THADA: variants seen among roughly 807,000 people sequenced by gnomAD.
THADA encodes the protein tRNA (32-2'-O)-methyltransferase regulator THADA.
THADA carries 213 observed loss-of-function variants against 219.8 expected under a neutral mutation model. The ratio of observed to expected loss-of-function variants is 0.97; its 90% CI spans 0.87 to 1.09. The LOEUF (loss-of-function observed/expected upper bound fraction) is 1.09. THADA is among the 50% of genes least tolerant of loss of function. The probability of loss-of-function intolerance (pLI) is 0.00; values close to 1 mark genes in which losing one functional copy is unlikely to be tolerated. For synonymous variants in THADA, 1,018 were observed against 828.9 expected (o/e 1.23, Z -3.92); for missense variants, 2,956 against 2,311.3 (o/e 1.28, Z -5.72).
At chr2:43,481,219 T>C (rs1686176252) in intron 26 of THADA, among the ~76,000 whole-genome samples, 1 of 152,122 alleles carries the variant, frequency 6.6e-6, no homozygotes, top group Non-Finnish European at 1.5e-5. Flanking sequence ...CTAAGAAAAA[T>C]AACTAAAATA....
At chr2:43,370,198 C>T (rs191936078) in intron 29 of THADA, 7 of 152,318 alleles carry the variant, frequency 4.6e-5, no homozygotes, top group African/African-American at 1.7e-4. Context: ...GCCTCTTGGC[C>T]TGAAAGAGCA....
At chr2:43,327,174 G>C (rs575870292) in intron 30 of THADA, among the ~76,000 whole-genome samples, 1 of 152,272 alleles carries the variant, frequency 6.6e-6, no homozygotes, top group South Asian at 2.1e-4. Context: ...TGGTGAAAGA[G>C]AAGGAATTCC....
chr2:43,574,505 G>C lies in THADA; in HGVS notation c.1560C>G (p.Asp520Glu). The C allele has an allele frequency of 5.0e-6, 8 of 1,613,936 alleles. No homozygotes were observed. Among genetic ancestry groups the C allele is most frequent in the Non-Finnish European group, 6.8e-6 (8 of 1,179,884 alleles). The change falls in exon 11 of 38, where the codon GAC becomes GAG. Residue 520 changes from aspartate to glutamate, a missense_variant. Transcript: ENST00000405975. ...GAGAAACCCAAGTCTCATGCCACTG[G>C]TCAATCCAAGAACTCTCAGCAGTCT... ...KSQTAESSWI[D>E]QWHETWVSPL...
chr2:43,289,486 G>A (rs116227142), intron 34 of THADA, among the ~76,000 whole-genome samples: 2,539 of 152,200 alleles, frequency 0.017, 35 homozygotes, highest in Non-Finnish European at 0.029. Flanking sequence ...CTCCAGTTCT[G>A]TTAATTTTTT....
chr2:43,583,641 C>A (rs368443425), intron 7 of THADA, among the ~76,000 whole-genome samples: 279 of 152,134 alleles, frequency 1.8e-3, no homozygotes, highest in African/African-American at 6.6e-3. Context: ...TTCACAATAG[C>A]CTAAAGGTAG....
intron 35 of THADA, among the ~76,000 whole-genome samples, chr2:43,286,492 G>A (rs1208194767): frequency 6.6e-6 from 1 of 152,210 alleles, no homozygotes; most frequent in Non-Finnish European, 1.5e-5. Context: ...TGTAATCCCA[G>A]TACTTTGGGA....
intron 36 of THADA, among the ~76,000 whole-genome samples, chr2:43,262,894 T>C (rs1212879946): frequency 2.6e-5 from 4 of 152,196 alleles, no homozygotes; most frequent in Non-Finnish European, 5.9e-5. Context: ...TGTGTACATA[T>C]TGCAGTGTGA....
chr2:43,373,767 T>A (rs1671065324), intron 29 of THADA, among the ~76,000 whole-genome samples: 1 of 152,160 alleles, frequency 6.6e-6, no homozygotes, highest in Non-Finnish European at 1.5e-5. Flanking sequence ...CATGAGCCAA[T>A]GAGCCTGCCC....
chr2:43,553,689 G>C (rs905540373), intron 17 of THADA, among the ~76,000 whole-genome samples: 5 of 152,186 alleles, frequency 3.3e-5, no homozygotes, highest in African/African-American at 1.2e-4. Context: ...TTGAGGAACT[G>C]CCAGACTATT....
chr2:43,593,315 G>A (rs969923778), intron 1 of THADA, among the ~76,000 whole-genome samples: 15 of 152,156 alleles, frequency 9.9e-5, no homozygotes, highest in African/African-American at 2.9e-4. Context: ...GAGGCAAAAC[G>A]TGGTTTGAAA....
Position 43,566,721 on chromosome 2 carries a change from G to A in THADA, c.2288C>T (p.Ala763Val). Residue 763 changes from alanine to valine, a missense_variant, in exon 15 of 38, where the codon GCT (alanine) becomes GTT (valine). Transcript: ENST00000405975. ...ACCTTCTGGGACATGAAAAACTTCA[G>A]CTATTGAACCTAAAATGGTTAAAGC... ...FSALTILGSI[A>V]EVFHVPEGRI... 6.2e-7 allele frequency: 1 copy of A among 1,603,426 alleles called. No homozygotes were observed. Among genetic ancestry groups the A allele is most frequent in the South Asian group, 1.1e-5 (1 of 87,890 alleles).
intron 30 of THADA, among the ~76,000 whole-genome samples, chr2:43,327,333 C>A (rs1679446362): frequency 6.6e-6 from 1 of 151,998 alleles, no homozygotes; most frequent in South Asian, 2.1e-4. Context: ...ATGGAGCCAG[C>A]ACTGGAGTTA....
chr2:43,397,936 G>A (rs1674283747), intron 29 of THADA, 35 bp downstream of exon 29: 3 of 1,609,438 alleles, frequency 1.9e-6, no homozygotes, highest in African/African-American at 1.3e-5. Flanking sequence ...ATCTTATGGT[G>A]TTTGACAGAA....
At chr2:43,489,997 A>C (rs1019545522) in intron 25 of THADA, among the ~76,000 whole-genome samples, 13 of 152,032 alleles carry the variant, frequency 8.6e-5, no homozygotes, top group African/African-American at 3.1e-4. Flanking sequence ...TGAACACAGG[A>C]GATCTTTCCA....
intron 10 of THADA, 106 bp downstream of exon 10, chr2:43,576,916 G>T: frequency 1.0e-6 from 1 of 962,944 alleles, no homozygotes; most frequent in Non-Finnish European, 1.6e-6. Context: ...CAGCCTACTG[G>T]GAGGGTAGCT....
chr2:43,266,362 C>A (rs543431761), intron 36 of THADA, among the ~76,000 whole-genome samples: 2 of 152,124 alleles, frequency 1.3e-5, no homozygotes, highest in Admixed American at 1.3e-4. Context: ...GAGGCCGAGG[C>A]GGGCGGATCA....
At chr2:43,594,600 T>G (rs1003490534) in intron 1 of THADA, among the ~76,000 whole-genome samples, 7 of 151,814 alleles carry the variant, frequency 4.6e-5, no homozygotes, top group Non-Finnish European at 7.4e-5. Context: ...AATAAATAAA[T>G]AAATAAATAA....
At chr2:43,589,063 G>GACAA (rs1411040176) in intron 4 of THADA, among the ~76,000 whole-genome samples, 2 of 152,226 alleles carry the variant, frequency 1.3e-5, no homozygotes, top group African/African-American at 4.8e-5. Flanking sequence ...AAAACAGTAT[G>GACAA]ACAGTTGCTC....
chr2:43,423,106 A>G (rs1323248192), intron 28 of THADA, among the ~76,000 whole-genome samples: 1 of 152,178 alleles, frequency 6.6e-6, no homozygotes, highest in African/African-American at 2.4e-5. Context: ...ATGGCTCCTC[A>G]ATTTCACCCC....
Sources: allele counts gnomAD v4.1 joint callset (sites outside exome capture counted in the v4.1 genomes callset), GRCh38; gene constraint gnomAD v4.1.1; transcripts MANE v1.5; gene names NCBI Gene and HGNC (gene_info 2026-07-23, HGNC 2026-07-21).